AFG1L: variants seen among roughly 807,000 people sequenced by gnomAD.
The protein encoded by AFG1L is AFG1 like ATPase.
AFG1L carries 53 observed loss-of-function variants against 62.2 expected under a neutral mutation model. The ratio of observed to expected loss-of-function variants is 0.85; its 90% CI spans 0.68 to 1.07. AFG1L has a LOEUF of 1.07. Among genes scored for constraint, AFG1L ranks in the 50% least tolerant of loss-of-function variants. AFG1L has a pLI of 0.00. For synonymous variants in AFG1L, 228 were observed against 210.3 expected (o/e 1.08, Z -0.73); for missense variants, 555 against 590.5 (o/e 0.94, Z 0.62).
intron 11 of AFG1L, among the ~76,000 whole-genome samples, chr6:108,512,876 T>G (rs1054523989): frequency 6.6e-6 from 1 of 152,184 alleles, no homozygotes; most frequent in African/African-American, 2.4e-5. Context: ...AAACAGACAT[T>G]ATTCTAGAAT....
At chr6:108,314,598 C>A (rs537640126) in intron 1 of AFG1L, among the ~76,000 whole-genome samples, 1 of 151,972 alleles carries the variant, frequency 6.6e-6, no homozygotes, top group Non-Finnish European at 1.5e-5. Context: ...GGGGTTTCAC[C>A]GTGTTGCCTA....
chr6:108,351,394 GC>G (rs1277247082), intron 3 of AFG1L, among the ~76,000 whole-genome samples: 1 of 152,174 alleles, frequency 6.6e-6, no homozygotes, highest in African/African-American at 2.4e-5. Context: ...TTATAGAAAT[GC>G]GGTGGATTTT....
At chr6:108,359,829 C>T (rs533298978) in intron 5 of AFG1L, 1 of 152,362 alleles carries the variant, frequency 6.6e-6, no homozygotes, top group East Asian at 1.9e-4. Context: ...TGTCCCCATC[C>T]TGGAGTTTCA....
chr6:108,451,188 A>G (rs1354154523), intron 8 of AFG1L, among the ~76,000 whole-genome samples: 1 of 152,214 alleles, frequency 6.6e-6, no homozygotes, highest in Non-Finnish European at 1.5e-5. Context: ...TTCTAGGGGA[A>G]CACCAAGCGC....
In AFG1L at chr6:108,519,802, C is replaced by G; in HGVS notation, c.1309C>G (p.Leu437Val). 1.3e-6 allele frequency: 2 copies of G among 1,599,524 alleles called. No individual in the cohort carries two copies. Among genetic ancestry groups the G allele is most frequent in the Non-Finnish European group, 1.7e-6 (2 of 1,172,334 alleles). Residue 437 changes from leucine (L) to valine (V), a missense_variant, in exon 12 of 13, where the codon CTG (leucine) becomes GTG (valine). Leu to Val is a conservative substitution (Grantham distance 32). Coordinates refer to ENST00000368977, the MANE Select transcript of AFG1L (RefSeq NM_145315.5). ...QSRILMDDLGLSQDSAEGLSM... is the reference protein window; with the variant it reads ...QSRILMDDLGVSQDSAEGLSM... ...CAGAATACTGATGGATGATTTGGGGCTGAGCCAGGTAGGCGATATTAACAT... is the reference window on the plus strand; with the variant it reads ...CAGAATACTGATGGATGATTTGGGGGTGAGCCAGGTAGGCGATATTAACAT...
At chr6:108,322,895 G>A (rs1777869188) in intron 1 of AFG1L, among the ~76,000 whole-genome samples, 1 of 152,086 alleles carries the variant, frequency 6.6e-6, no homozygotes, top group Non-Finnish European at 1.5e-5. Flanking sequence ...ATTATGGTTG[G>A]ACCTCGCCAC....
chr6:108,453,185 A>G (rs1467826021), intron 8 of AFG1L, among the ~76,000 whole-genome samples: 1 of 152,208 alleles, frequency 6.6e-6, no homozygotes, highest in East Asian at 1.9e-4. Flanking sequence ...TAAAACTTAA[A>G]TTGTCTCAAG....
chr6:108,517,786 T>A (rs528977337), intron 11 of AFG1L, among the ~76,000 whole-genome samples: 14 of 152,032 alleles, frequency 9.2e-5, no homozygotes, highest in African/African-American at 3.4e-4. Flanking sequence ...GAATCTACAA[T>A]GAACTCAAAC....
intron 11 of AFG1L, among the ~76,000 whole-genome samples, chr6:108,511,502 T>C (rs964443870): frequency 1.3e-5 from 2 of 152,216 alleles, no homozygotes; most frequent in African/African-American, 2.4e-5. Flanking sequence ...ATGGTACTTA[T>C]AAAGTTGTTG....
chr6:108,367,206 A>G (rs139445637), intron 6 of AFG1L, among the ~76,000 whole-genome samples: 1 of 152,128 alleles, frequency 6.6e-6, no homozygotes, highest in East Asian at 1.9e-4. Context: ...AGTGATTTTT[A>G]TCTCTCCTGT....
chr6:108,440,287 G>A (rs1021842192), intron 7 of AFG1L, among the ~76,000 whole-genome samples: 1 of 151,880 alleles, frequency 6.6e-6, no homozygotes, highest in African/African-American at 2.4e-5. Flanking sequence ...TCCTGCCTCA[G>A]CCTCCTGAGT....
chr6:108,335,449 T>C (rs1778441197), intron 2 of AFG1L, among the ~76,000 whole-genome samples: 1 of 152,236 alleles, frequency 6.6e-6, no homozygotes, highest in Non-Finnish European at 1.5e-5. Context: ...GGTGTCTCCA[T>C]TGTGTGCCTA....
At chr6:108,332,870 G>A (rs1439792034) in intron 2 of AFG1L, among the ~76,000 whole-genome samples, 1 of 152,092 alleles carries the variant, frequency 6.6e-6, no homozygotes, top group Non-Finnish European at 1.5e-5. Flanking sequence ...GTCTTCCAAA[G>A]TGCTGGGGTT....
In AFG1L at chr6:108,506,383, A is replaced by G. The variant is rs780884510; in HGVS notation, c.1063-3829A>G. 5.7e-4 allele frequency among the ~76,000 whole-genome samples: 87 copies of G among 152,236 alleles called. 1 individual carries two copies. The highest frequency in any genetic ancestry group is 1.0e-3 in the Non-Finnish European group (70 of 68,008). On this transcript the variant is annotated intron_variant, in intron 10 of 12. Coordinates refer to ENST00000368977, the MANE Select transcript of AFG1L (RefSeq NM_145315.5). The stretch of plus-strand genomic sequence containing the variant: ...CCACCACACCTGGCTAACTTTGTGT[A>G]TCTTTTGTAGAGATGGGGTTTCACT...
At chr6:108,480,794 T>C (rs1453614901) in intron 10 of AFG1L, among the ~76,000 whole-genome samples, 1 of 151,910 alleles carries the variant, frequency 6.6e-6, no homozygotes. Context: ...TCTGTCTCAA[T>C]AAATAAATAA....
intron 10 of AFG1L, among the ~76,000 whole-genome samples, chr6:108,485,696 G>C (rs1487293245): frequency 1.4e-5 from 1 of 69,540 alleles, no homozygotes; most frequent in Non-Finnish European, 2.6e-5. Context: ...TGAGAGAGAG[G>C]GTCTTGTTCT....
chr6:108,340,100 G>C (rs1448138690), intron 2 of AFG1L, among the ~76,000 whole-genome samples: 2 of 150,042 alleles, frequency 1.3e-5, no homozygotes, highest in Non-Finnish European at 3.0e-5. Flanking sequence ...CTATGTTCAT[G>C]AGTTCAATTG....
rs558537521 is a variant in AFG1L, at chr6:108,523,174, C to CGGGGG, written c.*752_*756dup. On this transcript the variant is annotated 3_prime_UTR_variant, in exon 13 of 13. Coordinates refer to ENST00000368977, the MANE Select transcript of AFG1L (RefSeq NM_145315.5). ...ATGGGGACCAGTGAGAGAGTGTGGG[C>CGGGGG]GGGGGGGTGGGTGTCAGAGTCGTAG... 2 of 5,962 alleles carry CGGGGG rather than the reference C, an allele frequency of 3.4e-4. No homozygotes were observed. The highest frequency in any genetic ancestry group is 9.3e-4 in the African/African-American group (2 of 2,142). The allele number at this position is 5,962 out of a possible 1,614,324, so 0.4% of individuals were successfully genotyped here. A position where few individuals can be genotyped will look rare whatever the true frequency, so the allele number is the denominator to read the frequency against.
chr6:108,460,768 T>C (rs1772427847), intron 8 of AFG1L, among the ~76,000 whole-genome samples: 1 of 152,036 alleles, frequency 6.6e-6, no homozygotes, highest in South Asian at 2.1e-4. Flanking sequence ...CCATCCTGGC[T>C]AACACGGTGA....
Sources: gnomAD v4.1 joint callset for allele counts (sites outside exome capture counted in the v4.1 genomes callset) on GRCh38, gnomAD v4.1.1 for gene constraint, MANE v1.5 for transcripts, NCBI Gene and HGNC (gene_info 2026-07-23, HGNC 2026-07-21) for gene names.